The following BAZ1A variants were observed in gnomAD, a reference collection of about 807,000 sequenced individuals.
BAZ1A encodes bromodomain adjacent to zinc finger domain protein 1A.
A neutral mutation model predicts 185.2 loss-of-function variants in BAZ1A; 50 were observed. The ratio of observed to expected loss-of-function variants is 0.27; its 90% CI spans 0.22 to 0.34. The LOEUF is 0.34. BAZ1A is among the 10% of genes least tolerant of loss of function. The pLI, the probability that BAZ1A is intolerant of heterozygous loss-of-function variation, is 1.00. For missense variants in BAZ1A, 1,356 were observed against 1,839.9 expected, an observed-to-expected ratio of 0.74 and a Z score of 4.81; for synonymous variants, 571 against 615.6, an observed-to-expected ratio of 0.93 and a Z score of 1.07.
rs552640082 is a variant in BAZ1A, at chr14:34,833,586, G to C, written c.393-7430C>G. Among the ~76,000 whole-genome samples the C allele has an allele frequency of 1.5e-4, 23 of 152,138 alleles. No homozygotes were observed. The South Asian group carries it at 4.8e-3, about 32-fold the overall frequency. ...AAGAAAACATTATGTTCAGTGAATT[G>C]AGCCACAAAAGGACAAATATATGAT... On this transcript the variant is annotated intron_variant, in intron 3 of 26. Coordinates refer to ENST00000360310, the MANE Select transcript of BAZ1A (RefSeq NM_013448.3).
At chr14:34,763,421 TAAA>T (rs1162162277) in intron 23 of BAZ1A, among the ~76,000 whole-genome samples, 152 of 134,116 alleles carry the variant, frequency 1.1e-3, no homozygotes, top group African/African-American at 3.0e-3. Context: ...TTCAAATGTT[TAAA>T]AAAAAAAAAA....
chr14:34,843,682 AT>A (rs1202741014), intron 3 of BAZ1A, among the ~76,000 whole-genome samples: 2 of 152,038 alleles, frequency 1.3e-5, no homozygotes, highest in Non-Finnish European at 1.5e-5. Flanking sequence ...AAATATAGCT[AT>A]TTTTTTCCAG....
intron 3 of BAZ1A, among the ~76,000 whole-genome samples, chr14:34,858,039 T>C (rs772580727): frequency 8.5e-5 from 13 of 152,206 alleles, no homozygotes; most frequent in Non-Finnish European, 1.6e-4. Context: ...TTTTAAGTGC[T>C]AGCAATACAG....
intron 16 of BAZ1A, among the ~76,000 whole-genome samples, chr14:34,782,614 A>G (rs1296469817): frequency 6.6e-6 from 1 of 152,138 alleles, no homozygotes; most frequent in Non-Finnish European, 1.5e-5. Flanking sequence ...AAGGCTTATT[A>G]ATGGGTATTT....
chr14:34,811,094 A>T (rs1261910838), intron 4 of BAZ1A, 58 bp from the exon 5 acceptor site: 1 of 1,229,008 alleles, frequency 8.1e-7, no homozygotes, highest in Non-Finnish European at 1.2e-6. Flanking sequence ...TGAAATTTTA[A>T]ATGAAAACCT....
intron 2 of BAZ1A, among the ~76,000 whole-genome samples, chr14:34,869,278 G>T (rs983140943): frequency 2.6e-5 from 4 of 152,078 alleles, no homozygotes; most frequent in African/African-American, 9.7e-5. Flanking sequence ...CCCCTAAAAT[G>T]TAAGTGCACT....
At chr14:34,815,397 T>A (rs2041991510) in intron 4 of BAZ1A, among the ~76,000 whole-genome samples, 1 of 152,234 alleles carries the variant, frequency 6.6e-6, no homozygotes, top group Non-Finnish European at 1.5e-5. Flanking sequence ...TACATTTTAA[T>A]CATTTTTCTT....
At chr14:34,850,415 CCAAAA>C (rs1184840632) in intron 3 of BAZ1A, among the ~76,000 whole-genome samples, 1 of 152,048 alleles carries the variant, frequency 6.6e-6, no homozygotes, top group African/African-American at 2.4e-5. Context: ...AAAGAGGATC[CCAAAA>C]CAACTTGGGA....
intron 4 of BAZ1A, among the ~76,000 whole-genome samples, chr14:34,812,711 T>TAAG (rs1472608819): frequency 6.6e-6 from 1 of 152,050 alleles, no homozygotes; most frequent in Non-Finnish European, 1.5e-5. Context: ...AATGATATGG[T>TAAG]AAGATGATTA....
chr14:34,831,874 C>T (rs1206843099), intron 3 of BAZ1A, among the ~76,000 whole-genome samples: 2 of 152,036 alleles, frequency 1.3e-5, no homozygotes, highest in African/African-American at 4.8e-5. Context: ...AGAATATTAT[C>T]GCTGATTTTA....
At chr14:34,873,820 G>A (rs996744265) in intron 2 of BAZ1A, among the ~76,000 whole-genome samples, 1 of 152,154 alleles carries the variant, frequency 6.6e-6, no homozygotes, top group African/African-American at 2.4e-5. Context: ...AGCGCGGCTC[G>A]CGTCGCACTC....
At chr14:34,811,064 T>A in intron 4 of BAZ1A, 28 bp from the exon 5 acceptor site, 1 of 1,411,536 alleles carries the variant, frequency 7.1e-7, no homozygotes, top group African/African-American at 1.4e-5. Context: ...AAGACACAAA[T>A]CAGTTAATAA....
Position 34,862,184 on chromosome 14 carries a change from T to G in BAZ1A, c.252A>C (p.Pro84=). The change falls in exon 3 of 27, where the codon CCA becomes CCC. Residue 84 remains proline (P), a synonymous_variant. Coordinates refer to ENST00000360310, the MANE Select transcript of BAZ1A (RefSeq NM_013448.3). ...TCAAGTATAAAACTGGAATAATTAG[T>G]GGTTCTGGAAAACTCTGAAGATTCT... ...ARQNLQSFPE[P]LIIPVLYLTS... The G allele has an allele frequency of 6.2e-7, 1 of 1,614,196 alleles. No homozygotes were observed. The highest frequency in any genetic ancestry group is 8.5e-7 in the Non-Finnish European group (1 of 1,180,036).
chr14:34,779,453 T>G (rs1438010819), intron 17 of BAZ1A, among the ~76,000 whole-genome samples: 1 of 152,164 alleles, frequency 6.6e-6, no homozygotes, highest in Non-Finnish European at 1.5e-5. Flanking sequence ...TCATATTAGG[T>G]TTGCTTTAGA....
intron 6 of BAZ1A, among the ~76,000 whole-genome samples, chr14:34,805,518 T>G (rs1028375915): frequency 3.9e-5 from 6 of 152,194 alleles, no homozygotes; most frequent in African/African-American, 1.4e-4. Context: ...ATACAACTAT[T>G]CACATATATC....
intron 3 of BAZ1A, among the ~76,000 whole-genome samples, chr14:34,843,236 T>G (rs1566591945): frequency 6.6e-6 from 1 of 152,172 alleles, no homozygotes; most frequent in African/African-American, 2.4e-5. Context: ...GGCAGACTGC[T>G]GCAGTTACTG....
At chr14:34,807,638 G>T in intron 5 of BAZ1A, 100 bp from the exon 6 acceptor site, 3 of 761,252 alleles carry the variant, frequency 3.9e-6, no homozygotes, top group Non-Finnish European at 4.2e-6. Context: ...ATTTCAGAAA[G>T]CCTAGGAATC....
intron 3 of BAZ1A, among the ~76,000 whole-genome samples, chr14:34,850,917 A>C (rs2042586519): frequency 6.6e-6 from 1 of 152,228 alleles, no homozygotes; most frequent in African/African-American, 2.4e-5. Context: ...GAAGTAGAAG[A>C]GGTTAAAGGT....
chr14:34,809,440 T>C (rs185477656), intron 5 of BAZ1A, among the ~76,000 whole-genome samples: 17 of 152,306 alleles, frequency 1.1e-4, no homozygotes, highest in Admixed American at 9.2e-4. Context: ...AAATGCTCAA[T>C]AGTGACACAT....
Sources: allele counts gnomAD v4.1 joint callset (sites outside exome capture counted in the v4.1 genomes callset), GRCh38; gene constraint gnomAD v4.1.1; transcripts MANE v1.5; gene names NCBI Gene and HGNC (gene_info 2026-07-23, HGNC 2026-07-21).